Variants in SRGAP2C observed in about 807,000 individuals in gnomAD.
SRGAP2C encodes the protein SLIT-ROBO Rho GTPase activating protein 2C.
In SRGAP2C, 15 loss-of-function variants were observed where a neutral mutation model predicts 25.1. The observed-to-expected ratio is 0.60, with a 90% CI of 0.40 to 0.92. The LOEUF (loss-of-function observed/expected upper bound fraction) is 0.92. SRGAP2C is among the 40% of genes least tolerant of loss of function. The probability of loss-of-function intolerance (pLI) is 0.00; values close to 1 mark genes in which losing one functional copy is unlikely to be tolerated. For missense variants in SRGAP2C, 144 were observed against 264.4 expected (o/e 0.54, Z 3.16); for synonymous variants, 44 against 96.6 (o/e 0.46, Z 3.19).
intron 2 of SRGAP2C, among the ~76,000 whole-genome samples, chr1:121,200,103 AACT>A (rs1654942150): frequency 6.7e-6 from 1 of 149,560 alleles, no homozygotes; most frequent in Non-Finnish European, 1.5e-5. Context: ...CCTACAGGTG[AACT>A]TGTGACTGGA....
chr1:121,359,680 A>G (rs1659143108), intron 4 of SRGAP2C, among the ~76,000 whole-genome samples: 1 of 152,332 alleles, frequency 6.6e-6, no homozygotes, highest in East Asian at 1.9e-4. Context: ...AGGGAAGAGG[A>G]TCACGTGACA....
At chr1:121,262,976 C>T (rs1285236199) in intron 2 of SRGAP2C, among the ~76,000 whole-genome samples, 1 of 151,528 alleles carries the variant, frequency 6.6e-6, no homozygotes, top group Non-Finnish European at 1.5e-5. Context: ...ATAATACACA[C>T]CTGCCCAGGG....
At chr1:121,259,687 A>G (rs1656567548) in intron 2 of SRGAP2C, among the ~76,000 whole-genome samples, 1 of 151,482 alleles carries the variant, frequency 6.6e-6, no homozygotes, top group Admixed American at 6.6e-5. Context: ...CTGTGAGTTA[A>G]CATTTCAGTT....
At chr1:121,345,898 G>A (rs1200054369) in intron 4 of SRGAP2C, among the ~76,000 whole-genome samples, 9 of 130,938 alleles carry the variant, frequency 6.9e-5, no homozygotes, top group East Asian at 2.5e-4. Context: ...TGATCCACCC[G>A]CCTCGGCCTC....
At position 121,285,931 on chromosome 1, in the gene SRGAP2C, GGAA is replaced by G. The variant is rs1170712570; in HGVS notation, c.260+946_260+948del. Reference sequence around the variant, plus strand: ...TCTTTTGTTCTCCCTGGGCCACATTGGAAGAAGAAGAATTGTCTTGGGCCACCC... The same window carrying G: ...TCTTTTGTTCTCCCTGGGCCACATTGGAAGAAGAATTGTCTTGGGCCACCC... On this transcript the variant is annotated intron_variant, in intron 3 of 9. Transcript: ENST00000367123. Among the ~76,000 whole-genome samples the G allele has an allele frequency of 2.6e-3, 397 of 152,174 alleles. 3 individuals carry two copies. Among genetic ancestry groups the G allele is most frequent in the Middle Eastern group, 0.01 (3 of 294 alleles).
chr1:121,345,771 C>T (rs1353227860), intron 4 of SRGAP2C, among the ~76,000 whole-genome samples: 3 of 150,158 alleles, frequency 2.0e-5, no homozygotes, highest in African/African-American at 7.4e-5. Context: ...CTTGCCTCAG[C>T]CTCCTGAGTA....
chr1:121,293,122 G>A (rs1327910072), intron 3 of SRGAP2C, among the ~76,000 whole-genome samples: 3 of 132,410 alleles, frequency 2.3e-5, no homozygotes, highest in Non-Finnish European at 4.8e-5. Flanking sequence ...TTGAGACAAT[G>A]GAGAAGTTGT....
chr1:121,374,725 C>T, intron 6 of SRGAP2C, 101 bp from the exon 7 acceptor site: 1 of 650,952 alleles, frequency 1.5e-6, no homozygotes, highest in Non-Finnish European at 2.8e-6. Context: ...TAGGGAGTAG[C>T]AACACAATTG....
intron 2 of SRGAP2C, among the ~76,000 whole-genome samples, chr1:121,207,236 GCTT>G (rs1482880763): frequency 2.0e-5 from 3 of 152,102 alleles, no homozygotes; most frequent in Non-Finnish European, 4.4e-5. Flanking sequence ...CCTTGAAGGG[GCTT>G]CGTGTTTGTA....
In SRGAP2C at chr1:121,320,358, T is replaced by A; in HGVS notation, c.261-4120T>A. Among the ~76,000 whole-genome samples the A allele has an allele frequency of 3.1e-5, 3 of 98,082 alleles. 1 individual carries two copies. The highest frequency in any genetic ancestry group is 7.8e-3 in the Middle Eastern group (2 of 258). 64.3% of individuals were successfully genotyped at this position (98,082 alleles called of 152,430 possible). A position where few individuals can be genotyped will look rare whatever the true frequency, so the allele number is the denominator to read the frequency against. On this transcript the variant is annotated intron_variant, in intron 3 of 9. Transcript: ENST00000367123. ...ATTGTGTGAAAAGCTGCATTAATAGTAGGAGAGGCTGAGAACTCCTGGAAG... is the reference window on the plus strand; with the variant it reads ...ATTGTGTGAAAAGCTGCATTAATAGAAGGAGAGGCTGAGAACTCCTGGAAG...
intron 5 of SRGAP2C, among the ~76,000 whole-genome samples, chr1:121,365,904 C>T (rs1306198325): frequency 3.0e-4 from 43 of 144,166 alleles, no homozygotes; most frequent in African/African-American, 1.1e-3. Flanking sequence ...AGCCAAACCT[C>T]AGTGACGAGG....
At chr1:121,194,380 GA>G (rs1252447918) in intron 2 of SRGAP2C, among the ~76,000 whole-genome samples, 3 of 129,052 alleles carry the variant, frequency 2.3e-5, no homozygotes, top group Middle Eastern at 3.6e-3. Context: ...ATCTTTGCAA[GA>G]AAAAAAAACA....
chr1:121,272,405 C>G lies in SRGAP2C; in HGVS notation c.68-12398C>G, dbSNP rs1345937834. Among the ~76,000 whole-genome samples, 11 of 151,656 alleles carry G rather than the reference C, an allele frequency of 7.3e-5. 1 individual carries two copies. Among genetic ancestry groups the G allele is most frequent in the Admixed American group, 4.6e-4 (7 of 15,136 alleles). On this transcript the variant is annotated intron_variant, in intron 2 of 9. Coordinates refer to ENST00000367123, the MANE Select transcript of SRGAP2C (RefSeq NM_001329984.2). ...AGCCCAGGCAGTCCAGTTCCAGGGT[C>G]AGACTTTTCTCTGCGGCCTCTCCAG... is the stretch of plus-strand genomic sequence containing the variant.
chr1:121,307,527 C>CA (rs1657869807), intron 3 of SRGAP2C, among the ~76,000 whole-genome samples: 2 of 135,656 alleles, frequency 1.5e-5, no homozygotes, highest in Non-Finnish European at 3.1e-5. Flanking sequence ...ACATTTTAAA[C>CA]AAGCATTCCA....
At chr1:121,199,025 A>G (rs1167337198) in intron 2 of SRGAP2C, among the ~76,000 whole-genome samples, 5 of 152,160 alleles carry the variant, frequency 3.3e-5, no homozygotes, top group Non-Finnish European at 7.3e-5. Flanking sequence ...CCTTATAATA[A>G]TGATGATGAT....
At chr1:121,365,885 GT>G (rs1242840840) in intron 5 of SRGAP2C, among the ~76,000 whole-genome samples, 1 of 138,352 alleles carries the variant, frequency 7.2e-6, no homozygotes, top group East Asian at 2.4e-4. Context: ...GCTTCCTGGA[GT>G]TTTATAAAGC....
chr1:121,277,988 TG>T, intron 2 of SRGAP2C, among the ~76,000 whole-genome samples: 1 of 146,480 alleles, frequency 6.8e-6, no homozygotes, highest in Non-Finnish European at 1.5e-5. Flanking sequence ...TCACCCAGGC[TG>T]GAGTATAGTG....
In SRGAP2C at chr1:121,358,769, AT is replaced by A. The variant is rs1161491118; in HGVS notation, c.424-6505del. Reference sequence around the variant, plus strand: ...TAATAGCTGGATTTTTTGAAATCAGATTTTTTTTTTTTTTTTTTTGGCAAGC... The same window carrying A: ...TAATAGCTGGATTTTTTGAAATCAGATTTTTTTTTTTTTTTTTTGGCAAGC... On this transcript the variant is annotated intron_variant, in intron 4 of 9. Transcript: ENST00000367123. Among the ~76,000 whole-genome samples the A allele has an allele frequency of 1.9e-3, 133 of 70,700 alleles. 1 individual carries two copies. The South Asian group carries it at 0.022, about 12-fold the overall frequency. 46.4% of individuals were successfully genotyped at this position (70,700 alleles called of 152,430 possible).
intron 2 of SRGAP2C, among the ~76,000 whole-genome samples, chr1:121,228,783 C>A (rs1655745587): frequency 6.6e-6 from 1 of 150,714 alleles, no homozygotes; most frequent in South Asian, 2.1e-4. Context: ...AGAATGGATT[C>A]ACATCTAGGG....
Sources: gnomAD v4.1 joint callset for allele counts (sites outside exome capture counted in the v4.1 genomes callset) on GRCh38, gnomAD v4.1.1 for gene constraint, MANE v1.5 for transcripts, NCBI Gene and HGNC (gene_info 2026-07-23, HGNC 2026-07-21) for gene names.